Variants in KCNIP4 observed in about 807,000 individuals in gnomAD.
The protein encoded by KCNIP4 is Kv channel-interacting protein 4.
KCNIP4 carries 12 observed loss-of-function variants against 34.0 expected under a neutral mutation model. The observed-to-expected ratio is 0.35, with a 90% CI of 0.23 to 0.57. The LOEUF (loss-of-function observed/expected upper bound fraction) is 0.57, where lower values mean the gene tolerates loss of function less well. Ranked by LOEUF, KCNIP4 falls within the 20% of genes least tolerant of loss-of-function variation. KCNIP4 has a pLI of 0.83. For synonymous variants in KCNIP4, 124 were observed against 102.2 expected (o/e 1.21, Z -1.29); for missense variants, 238 against 311.7 (o/e 0.76, Z 1.78).
In KCNIP4 at chr4:21,214,391, C is replaced by T. The variant is rs140702242; in HGVS notation, c.62-331682G>A. ...TCTTTAAACTGTGTTATAAATGGTC[C>T]GTTTACGTTCTGTCTCTTTCATTAG... On this transcript the variant is annotated intron_variant, in intron 1 of 8. Transcript: ENST00000382152. Among the ~76,000 whole-genome samples, 282 of 152,128 alleles carry T rather than the reference C, an allele frequency of 1.9e-3. 3 individuals carry two copies. The highest frequency in any genetic ancestry group is 6.2e-3 in the East Asian group (32 of 5,164).
At chr4:21,699,925 C>G (rs919177293) in intron 1 of KCNIP4, among the ~76,000 whole-genome samples, 8 of 151,994 alleles carry the variant, frequency 5.3e-5, no homozygotes, top group African/African-American at 1.9e-4. Flanking sequence ...AGGTGAGAAA[C>G]AATGGTGGCA....
At chr4:21,219,689 C>G (rs905897506) in intron 1 of KCNIP4, among the ~76,000 whole-genome samples, 1 of 151,876 alleles carries the variant, frequency 6.6e-6, no homozygotes, top group Non-Finnish European at 1.5e-5. Context: ...AGAAAAGCAC[C>G]ACAACATTGA....
intron 1 of KCNIP4, among the ~76,000 whole-genome samples, chr4:21,220,256 C>A (rs1050639316): frequency 6.6e-6 from 1 of 152,082 alleles, no homozygotes; most frequent in Non-Finnish European, 1.5e-5. Flanking sequence ...TAACCATGGG[C>A]ACAAATTGGG....
At chr4:21,773,742 G>GTTT (rs1553930230) in intron 1 of KCNIP4, among the ~76,000 whole-genome samples, 1 of 34,428 alleles carries the variant, frequency 2.9e-5, no homozygotes, top group African/African-American at 3.6e-5. Context: ...GTTTTTTTTT[G>GTTT]TTGTTTTTTT....
chr4:20,990,753 C>A (rs1186231735), intron 1 of KCNIP4, among the ~76,000 whole-genome samples: 2 of 152,256 alleles, frequency 1.3e-5, no homozygotes, highest in Non-Finnish European at 2.9e-5. Context: ...CTGGGTTTAC[C>A]CATTTAATCC....
At chr4:21,469,393 C>T (rs909596350) in intron 1 of KCNIP4, among the ~76,000 whole-genome samples, 3 of 152,110 alleles carry the variant, frequency 2.0e-5, no homozygotes, top group African/African-American at 4.8e-5. Flanking sequence ...TTAAAATTTC[C>T]TCTGAGACTT....
intron 3 of KCNIP4, among the ~76,000 whole-genome samples, chr4:20,810,467 GA>G (rs2149432053): frequency 2.3e-5 from 1 of 42,714 alleles, no homozygotes; most frequent in Non-Finnish European, 5.2e-5. Context: ...GAAGGGGGGA[GA>G]GAGAGAGAGA....
intron 1 of KCNIP4, among the ~76,000 whole-genome samples, chr4:20,908,251 C>T (rs527877741): frequency 3.3e-5 from 5 of 152,074 alleles, no homozygotes; most frequent in Admixed American, 6.6e-5. Flanking sequence ...AGGTGCACAC[C>T]GCCATGCCCA....
rs1276036791 is a variant in KCNIP4, at chr4:20,780,544, T to G, written c.289-21654A>C. Among the ~76,000 whole-genome samples, 3 of 152,262 alleles carry G rather than the reference T, an allele frequency of 2.0e-5. No homozygotes were observed. In the East Asian group the frequency reaches 5.8e-4, roughly 29 times the overall value. On this transcript the variant is annotated intron_variant, in intron 3 of 8. Coordinates refer to ENST00000382152, the MANE Select transcript of KCNIP4 (RefSeq NM_025221.6). Reference sequence around the variant, plus strand: ...CTGTGACTCAGCTCTGTTAGACAATTTTCTTACTTCAGGAACTGCCAATAC... The same window carrying G: ...CTGTGACTCAGCTCTGTTAGACAATGTTCTTACTTCAGGAACTGCCAATAC...
In KCNIP4 at chr4:21,840,920, C is replaced by G. The variant is rs1345460040; in HGVS notation, c.61+107651G>C. Among the ~76,000 whole-genome samples, 4 of 152,114 alleles carry G rather than the reference C, an allele frequency of 2.6e-5. No individual in the cohort carries two copies. In the East Asian group the frequency reaches 7.7e-4, roughly 29 times the overall value. ...CTTTATTGCTTATGTCATGCACCAC[C>G]AGTTTCTATTGCTGACAACCAAATT... On this transcript the variant is annotated intron_variant, in intron 1 of 8. Coordinates refer to ENST00000382152, the MANE Select transcript of KCNIP4 (RefSeq NM_025221.6).
chr4:21,744,513 A>G (rs1272361039), intron 1 of KCNIP4, among the ~76,000 whole-genome samples: 1 of 152,192 alleles, frequency 6.6e-6, no homozygotes, highest in African/African-American at 2.4e-5. Flanking sequence ...TTACAGTCTG[A>G]TAGAGCTATC....
intron 1 of KCNIP4, among the ~76,000 whole-genome samples, chr4:21,382,184 C>A (rs527338005): frequency 6.6e-6 from 1 of 152,304 alleles, no homozygotes; most frequent in South Asian, 2.1e-4. Context: ...ACAGAGAAAA[C>A]TCTGCCATGG....
chr4:21,331,841 G>A (rs1288416167), intron 1 of KCNIP4, among the ~76,000 whole-genome samples: 1 of 151,992 alleles, frequency 6.6e-6, no homozygotes, highest in Non-Finnish European at 1.5e-5. Context: ...AATATGGGAT[G>A]TTTCATATTT....
At chr4:21,554,299 C>T (rs768389110) in intron 1 of KCNIP4, among the ~76,000 whole-genome samples, 1 of 151,970 alleles carries the variant, frequency 6.6e-6, no homozygotes, top group Non-Finnish European at 1.5e-5. Flanking sequence ...AGTGAGCAGG[C>T]CAGCAGCAGG....
At chr4:21,787,186 T>C (rs1489968531) in intron 1 of KCNIP4, among the ~76,000 whole-genome samples, 1 of 152,246 alleles carries the variant, frequency 6.6e-6, no homozygotes, top group Non-Finnish European at 1.5e-5. Flanking sequence ...ACCTTCAGGC[T>C]ATGTGTACAT....
chr4:21,454,134 GGCAC>G (rs1231234519), intron 1 of KCNIP4, among the ~76,000 whole-genome samples: 5 of 152,030 alleles, frequency 3.3e-5, no homozygotes, highest in Non-Finnish European at 7.4e-5. Context: ...CACAGGGTAA[GGCAC>G]CTCTATCATT....
At chr4:21,746,691 T>A (rs558874240) in intron 1 of KCNIP4, among the ~76,000 whole-genome samples, 2 of 151,568 alleles carry the variant, frequency 1.3e-5, no homozygotes, top group South Asian at 2.1e-4. Context: ...AAAAAAAAAA[T>A]TGAACCAATC....
At chr4:21,896,431 A>G (rs1266142749) in intron 1 of KCNIP4, among the ~76,000 whole-genome samples, 1 of 152,152 alleles carries the variant, frequency 6.6e-6, no homozygotes, top group East Asian at 1.9e-4. Flanking sequence ...TGTGTTTGCA[A>G]CGAAGCTGGG....
intron 3 of KCNIP4, among the ~76,000 whole-genome samples, chr4:20,825,437 T>A (rs1363396638): frequency 6.6e-6 from 1 of 152,060 alleles, no homozygotes; most frequent in Non-Finnish European, 1.5e-5. Flanking sequence ...ACTTGATGGC[T>A]GATTGAATTT....
Sources: allele counts gnomAD v4.1 joint callset (sites outside exome capture counted in the v4.1 genomes callset), GRCh38; gene constraint gnomAD v4.1.1; transcripts MANE v1.5; gene names NCBI Gene and HGNC (gene_info 2026-07-23, HGNC 2026-07-21).